The following UNC13A variants were observed in gnomAD, a reference collection of about 807,000 sequenced individuals.
The protein encoded by UNC13A is unc-13 homolog A.
A neutral mutation model predicts 219.7 loss-of-function variants in UNC13A; 61 were observed. The ratio of observed to expected loss-of-function variants is 0.28; its 90% CI spans 0.23 to 0.34. The LOEUF (loss-of-function observed/expected upper bound fraction) is 0.34, where lower values mean the gene tolerates loss of function less well. Among genes scored for constraint, UNC13A ranks in the 10% least tolerant of loss-of-function variants. The probability of loss-of-function intolerance (pLI) is 1.00; values close to 1 mark genes in which losing one functional copy is unlikely to be tolerated. For synonymous variants in UNC13A, 920 were observed against 884.6 expected (o/e 1.04, Z -0.71); for missense variants, 1,476 against 2,270.3 (o/e 0.65, Z 7.11).
In UNC13A at chr19:17,688,246, C is replaced by A; in HGVS notation, c.-47G>T. ...CCGGAGGCGGCCGGGCCGGCTCTGT[C>A]GGGTCGGGCTCAGCGGCCGCTGGGC... On this transcript the variant is annotated 5_prime_UTR_variant, in exon 1 of 44. Coordinates refer to ENST00000519716, the MANE Select transcript of UNC13A (RefSeq NM_001080421.3). The A allele has an allele frequency of 6.9e-7, 1 of 1,442,900 alleles. No individual in the cohort carries two copies. The highest frequency in any genetic ancestry group is 1.4e-5 in the South Asian group (1 of 70,100). 89.4% of individuals were successfully genotyped at this position (1,442,900 alleles called of 1,614,324 possible).
intron 4 of UNC13A, among the ~76,000 whole-genome samples, chr19:17,669,895 C>G (rs1437282885): frequency 1.3e-5 from 2 of 150,150 alleles, no homozygotes; most frequent in Non-Finnish European, 3.0e-5. Flanking sequence ...CCCTTCCTTC[C>G]TTTATTCCTT....
intron 35 of UNC13A, 65 bp downstream of exon 35, chr19:17,624,764 A>C: frequency 6.5e-7 from 1 of 1,547,518 alleles, no homozygotes; most frequent in Non-Finnish European, 8.7e-7. Flanking sequence ...TCTAGGCACC[A>C]AGTTTTCTGG....
At position 17,635,155 on chromosome 19, in the gene UNC13A, C is replaced by T. The variant is rs531949777; in HGVS notation, c.3215+869G>A. Among the ~76,000 whole-genome samples, 125 of 152,210 alleles carry T rather than the reference C, an allele frequency of 8.2e-4. 1 individual carries two copies. Among genetic ancestry groups the T allele is most frequent in the South Asian group, 2.7e-3 (13 of 4,812 alleles). On this transcript the variant is annotated intron_variant, in intron 26 of 43. Coordinates refer to ENST00000519716, the MANE Select transcript of UNC13A (RefSeq NM_001080421.3). ...TGCTGGGATTACAGGGGTGAGCCAC[C>T]GCGCGTGGCCAATTTTTGTATTTTT...
At chr19:17,657,387 C>T (rs950374094) in intron 9 of UNC13A, among the ~76,000 whole-genome samples, 1 of 152,184 alleles carries the variant, frequency 6.6e-6, no homozygotes, top group African/African-American at 2.4e-5. Context: ...ACATCACTTA[C>T]TTGTGCAAAT....
chr19:17,661,089 C>A lies in UNC13A; in HGVS notation c.559+2443G>T, dbSNP rs575695782. Among the ~76,000 whole-genome samples, 5 of 145,098 alleles carry A rather than the reference C, an allele frequency of 3.4e-5. No individual in the cohort carries two copies. The South Asian group carries it at 1.1e-3, about 32-fold the overall frequency. On this transcript the variant is annotated intron_variant, in intron 8 of 43. Coordinates refer to ENST00000519716, the MANE Select transcript of UNC13A (RefSeq NM_001080421.3). ...AAATAGCTGGGACTACAGGGGCGTG[C>A]CACCACACCCGGCCCTTTTTTTTTT...
chr19:17,641,584 G>C, intron 20 of UNC13A, 28 bp from the exon 21 acceptor site: 1 of 1,612,570 alleles, frequency 6.2e-7, no homozygotes, highest in Non-Finnish European at 8.5e-7. Context: ...AAAGTGTCAT[G>C]GAGAGTGCAA....
At chr19:17,658,415 T>C (rs1402462033) in intron 8 of UNC13A, 146 bp from the exon 9 acceptor site, 1 of 783,088 alleles carries the variant, frequency 1.3e-6, no homozygotes, top group Non-Finnish European at 2.1e-6. Flanking sequence ...GTCATGTTAA[T>C]AGAGATATAG....
chr19:17,685,580 A>C (rs1360029153), intron 1 of UNC13A, among the ~76,000 whole-genome samples: 1 of 152,146 alleles, frequency 6.6e-6, no homozygotes, highest in Non-Finnish European at 1.5e-5. Flanking sequence ...GTGCTGGCAG[A>C]CACACACACT....
chr19:17,602,165 C>T lies in UNC13A; in HGVS notation c.*3889G>A, dbSNP rs73922140. The T allele has an allele frequency of 0.059, 8,932 of 152,614 alleles. 311 individuals carry two copies. The highest frequency in any genetic ancestry group is 0.12 in the Middle Eastern group (34 of 294). 9.5% of individuals were successfully genotyped at this position (152,614 alleles called of 1,614,324 possible). A position where few individuals can be genotyped will look rare whatever the true frequency, so the allele number is the denominator to read the frequency against. ...TTGGGGGTGTGGACAGGCACCTCCT[C>T]ATTTTATGCAAATCATTCGAGGACA... On this transcript the variant is annotated 3_prime_UTR_variant, in exon 44 of 44. Coordinates refer to ENST00000519716, the MANE Select transcript of UNC13A (RefSeq NM_001080421.3).
At chr19:17,625,004 G>T in intron 34 of UNC13A, 52 bp from the exon 35 acceptor site, 1 of 1,589,376 alleles carries the variant, frequency 6.3e-7, no homozygotes, top group Non-Finnish European at 8.6e-7. Flanking sequence ...CCCACCCACA[G>T]ATCACCTTCC....
chr19:17,608,043 G>A (rs1235752426), intron 43 of UNC13A, among the ~76,000 whole-genome samples: 7 of 148,976 alleles, frequency 4.7e-5, no homozygotes, highest in Admixed American at 1.4e-4. Flanking sequence ...CACCACACCC[G>A]GCTAATTTCT....
intron 1 of UNC13A, among the ~76,000 whole-genome samples, chr19:17,686,416 G>T (rs915147584): frequency 3.3e-5 from 5 of 150,732 alleles, no homozygotes; most frequent in Non-Finnish European, 5.9e-5. Context: ...AGAGGAGTCA[G>T]CCAAGAACAC....
intron 4 of UNC13A, among the ~76,000 whole-genome samples, chr19:17,670,942 A>ATAAAAT (rs1555698001): frequency 2.2e-4 from 34 of 151,156 alleles, no homozygotes; most frequent in Non-Finnish European, 4.3e-4. Context: ...ATAAAATAAA[A>ATAAAAT]TAAAATAAAA....
rs1459901603 is a variant in UNC13A at position 17,639,829 on chromosome 19, A to G, written c.2856+11T>C. 7 of 1,613,676 alleles carry G rather than the reference A, an allele frequency of 4.3e-6. No individual in the cohort carries two copies. Among genetic ancestry groups the G allele is most frequent in the Admixed American group, 1.7e-5 (1 of 60,016 alleles). ...GTGGGGTGAGCAAATTCTCATGCAC[A>G]CACTTCCTACCCGGTACATGGAGAG... On this transcript the variant is annotated intron_variant, in intron 23 of 43. Coordinates refer to ENST00000519716, the MANE Select transcript of UNC13A (RefSeq NM_001080421.3).
intron 19 of UNC13A, 69 bp downstream of exon 19, chr19:17,645,605 G>A (rs2145058476): frequency 1.3e-6 from 2 of 1,588,544 alleles, no homozygotes; most frequent in Non-Finnish European, 1.7e-6. Flanking sequence ...TCTGCTCTTC[G>A]TGGGCTCCAT....
intron 11 of UNC13A, among the ~76,000 whole-genome samples, chr19:17,654,255 AGTTT>A (rs945039578): frequency 5.9e-5 from 9 of 151,952 alleles, no homozygotes; most frequent in African/African-American, 2.2e-4. Flanking sequence ...CTAGTTCCAT[AGTTT>A]GTTTTTCTTG....
chr19:17,652,567 C>A (rs528469406), intron 12 of UNC13A, 64 bp downstream of exon 12: 8 of 1,608,008 alleles, frequency 5.0e-6, no homozygotes, highest in Admixed American at 1.7e-5. Context: ...GAGGCTCAGG[C>A]GCAAACCAGC....
chr19:17,657,435 G>C (rs28715084), intron 9 of UNC13A, among the ~76,000 whole-genome samples: 1 of 152,132 alleles, frequency 6.6e-6, no homozygotes, highest in Admixed American at 6.5e-5. Context: ...CCTCTGTTAT[G>C]TGCTGCTTAT....
chr19:17,680,895 T>TTC (rs2080001101), intron 1 of UNC13A, among the ~76,000 whole-genome samples: 2 of 98,616 alleles, frequency 2.0e-5, no homozygotes, highest in Non-Finnish European at 4.2e-5. Flanking sequence ...TTTTCTTTTT[T>TTC]TTTTTTTTTT....
Sources: allele counts gnomAD v4.1 joint callset (sites outside exome capture counted in the v4.1 genomes callset), GRCh38; gene constraint gnomAD v4.1.1; transcripts MANE v1.5; gene names NCBI Gene and HGNC (gene_info 2026-07-23, HGNC 2026-07-21).